LMBRD1: variants seen among roughly 807,000 people sequenced by gnomAD.
LMBRD1 encodes the protein LMBR1 domain containing 1, also known as lysosomal cobalamin transport escort protein LMBD1.
In LMBRD1, 64 loss-of-function variants were observed where a neutral mutation model predicts 74.8. The ratio of observed to expected loss-of-function variants is 0.86; its 90% CI spans 0.70 to 1.05. The LOEUF (loss-of-function observed/expected upper bound fraction) is 1.05. Ranked by LOEUF, LMBRD1 falls within the 50% of genes least tolerant of loss-of-function variation. LMBRD1 has a pLI of 0.00. For synonymous variants in LMBRD1, 204 were observed against 216.3 expected (o/e 0.94, Z 0.50); for missense variants, 652 against 645.9 (o/e 1.01, Z -0.10).
intron 9 of LMBRD1, among the ~76,000 whole-genome samples, chr6:69,709,384 C>T (rs1026631815): frequency 2.0e-5 from 3 of 152,250 alleles, no homozygotes; most frequent in Admixed American, 6.5e-5. Context: ...TCATAATACA[C>T]ATTAAACCCT....
chr6:69,688,508 T>C (rs1765812984), intron 14 of LMBRD1, among the ~76,000 whole-genome samples: 1 of 151,880 alleles, frequency 6.6e-6, no homozygotes, highest in Non-Finnish European at 1.5e-5. Flanking sequence ...TATTCCATAT[T>C]CTGGGAAAAG....
At chr6:69,792,345 A>T (rs984546791) in intron 1 of LMBRD1, among the ~76,000 whole-genome samples, 12 of 152,202 alleles carry the variant, frequency 7.9e-5, no homozygotes, top group Admixed American at 4.6e-4. Context: ...TCACCCTGAC[A>T]ACCACTATCT....
intron 3 of LMBRD1, among the ~76,000 whole-genome samples, chr6:69,760,830 A>C (rs1765358325): frequency 6.6e-6 from 1 of 152,174 alleles, no homozygotes; most frequent in African/African-American, 2.4e-5. Flanking sequence ...CCTATAGAAA[A>C]GTCCACGTAA....
intron 14 of LMBRD1, among the ~76,000 whole-genome samples, chr6:69,689,616 T>C (rs1217745453): frequency 6.6e-6 from 1 of 151,938 alleles, no homozygotes; most frequent in African/African-American, 2.4e-5. Flanking sequence ...CCATCAAGAG[T>C]GAGATTTTCC....
intron 6 of LMBRD1, among the ~76,000 whole-genome samples, chr6:69,740,625 G>T (rs777457387): frequency 3.3e-5 from 5 of 152,118 alleles, no homozygotes; most frequent in Non-Finnish European, 7.4e-5. Flanking sequence ...AGAAAATTAA[G>T]AACTCATACA....
At chr6:69,705,790 A>C (rs1766241400) in intron 9 of LMBRD1, 1 of 1,178,150 alleles carries the variant, frequency 8.5e-7, no homozygotes, top group African/African-American at 1.5e-5. Flanking sequence ...TCATCTACTG[A>C]CTGCATCTTC....
At chr6:69,780,420 T>A in intron 3 of LMBRD1, 74 bp downstream of exon 3, 3 of 1,079,446 alleles carry the variant, frequency 2.8e-6, no homozygotes, top group Non-Finnish European at 2.9e-6. Context: ...GAACCTGGGG[T>A]TCTCCACTCA....
intron 3 of LMBRD1, among the ~76,000 whole-genome samples, chr6:69,778,905 G>A (rs993637263): frequency 6.6e-6 from 1 of 152,024 alleles, no homozygotes; most frequent in South Asian, 2.1e-4. Context: ...AAATTCAATG[G>A]GGCAGGGCAC....
chr6:69,764,405 A>C (rs1030810525), intron 3 of LMBRD1, among the ~76,000 whole-genome samples: 1 of 152,124 alleles, frequency 6.6e-6, no homozygotes, highest in Admixed American at 6.6e-5. Context: ...ATAAGCATGG[A>C]AGAAGGCCTT....
At chr6:69,796,645 C>CCCCGCCG (rs1305918146) in intron 1 of LMBRD1, among the ~76,000 whole-genome samples, 168 bp downstream of exon 1, 98 of 152,154 alleles carry the variant, frequency 6.4e-4, no homozygotes, top group African/African-American at 2.2e-3. Flanking sequence ...ACCCCCCTGC[C>CCCCGCCG]CCCGCCGCCC....
chr6:69,691,875 C>CA (rs34100007), intron 14 of LMBRD1, among the ~76,000 whole-genome samples: 25,748 of 64,652 alleles, frequency 0.4, 4,687 homozygotes, highest in East Asian at 0.56. Flanking sequence ...GACTCCGTCT[C>CA]AAAAAAAAAA....
intron 7 of LMBRD1, among the ~76,000 whole-genome samples, chr6:69,720,568 T>C (rs1210474471): frequency 5.9e-5 from 9 of 152,170 alleles, no homozygotes; most frequent in Non-Finnish European, 1.2e-4. Flanking sequence ...ATATTTGGTA[T>C]ATTTTGGTAT....
At chr6:69,707,694 T>C (rs935386776) in intron 9 of LMBRD1, among the ~76,000 whole-genome samples, 2 of 152,188 alleles carry the variant, frequency 1.3e-5, no homozygotes, top group African/African-American at 4.8e-5. Flanking sequence ...TTTGTTGATA[T>C]TATGGACATA....
chr6:69,775,039 G>GAAGT (rs1765670421), intron 3 of LMBRD1, among the ~76,000 whole-genome samples: 1 of 147,594 alleles, frequency 6.8e-6, no homozygotes, highest in Non-Finnish European at 1.5e-5. Context: ...GGGAGGGAAG[G>GAAGT]AAGGAAAAGA....
intron 3 of LMBRD1, among the ~76,000 whole-genome samples, chr6:69,757,395 A>G (rs763590664): frequency 2.0e-5 from 3 of 152,248 alleles, no homozygotes; most frequent in Non-Finnish European, 2.9e-5. Context: ...GAACAGACAC[A>G]ATTCTCAACA....
chr6:69,756,739 T>G (rs1194423778), intron 3 of LMBRD1, among the ~76,000 whole-genome samples: 1 of 152,200 alleles, frequency 6.6e-6, no homozygotes, highest in African/African-American at 2.4e-5. Context: ...ACAAGTGCAT[T>G]TGCCTAAGTG....
chr6:69,698,368 T>G (rs1448494418), intron 13 of LMBRD1, among the ~76,000 whole-genome samples: 1 of 151,924 alleles, frequency 6.6e-6, no homozygotes, highest in Non-Finnish European at 1.5e-5. Context: ...CATGAAAGAC[T>G]CCACTAAAGC....
intron 3 of LMBRD1, among the ~76,000 whole-genome samples, chr6:69,774,649 A>G (rs1273532216): frequency 2.0e-5 from 3 of 152,170 alleles, no homozygotes; most frequent in Non-Finnish European, 4.4e-5. Context: ...GCTAAAACAC[A>G]GACAACATAA....
chr6:69,723,006 CAAAA>C (rs1286406905), intron 7 of LMBRD1, among the ~76,000 whole-genome samples: 2 of 151,506 alleles, frequency 1.3e-5, no homozygotes, highest in Admixed American at 1.3e-4. Context: ...CCAATGGCAA[CAAAA>C]AAAGAACAAA....
Sources: allele counts gnomAD v4.1 joint callset (sites outside exome capture counted in the v4.1 genomes callset), GRCh38; gene constraint gnomAD v4.1.1; transcripts MANE v1.5; gene names NCBI Gene and HGNC (gene_info 2026-07-23, HGNC 2026-07-21).